The following GAS2 variants were observed in gnomAD, a reference collection of about 807,000 sequenced individuals.
The protein encoded by GAS2 is growth arrest-specific protein 2.
A neutral mutation model predicts 37.5 loss-of-function variants in GAS2; 20 were observed. The observed-to-expected ratio is 0.53, with a 90% CI of 0.37 to 0.77. The LOEUF is 0.77. Among genes scored for constraint, GAS2 ranks in the 30% least tolerant of loss-of-function variants. The pLI, the probability that GAS2 is intolerant of heterozygous loss-of-function variation, is 0.00. For missense variants in GAS2, 336 were observed against 373.4 expected (o/e 0.90, Z 0.82); for synonymous variants, 144 against 132.2 (o/e 1.09, Z -0.61).
At chr11:22,793,282 AT>A (rs1856262208) in intron 7 of GAS2, among the ~76,000 whole-genome samples, 1 of 152,182 alleles carries the variant, frequency 6.6e-6, no homozygotes, top group Admixed American at 6.5e-5. Context: ...CTCAAAAAAA[AT>A]AAATAAATTA....
chr11:22,754,625 C>A (rs1445999289), intron 6 of GAS2, among the ~76,000 whole-genome samples: 1 of 149,414 alleles, frequency 6.7e-6, no homozygotes, highest in East Asian at 2.0e-4. Flanking sequence ...TTTGGTTATT[C>A]TTCTATTGTC....
intron 1 of GAS2, among the ~76,000 whole-genome samples, chr11:22,653,072 T>C (rs976296561): frequency 5.0e-5 from 6 of 119,426 alleles, no homozygotes; most frequent in African/African-American, 1.5e-4. Flanking sequence ...CTTTTTTGCT[T>C]TCTCTCTCTC....
chr11:22,638,015 A>G (rs1172142046), intron 1 of GAS2, among the ~76,000 whole-genome samples: 1 of 151,958 alleles, frequency 6.6e-6, no homozygotes, highest in Non-Finnish European at 1.5e-5. Flanking sequence ...ATCTAAATGC[A>G]CCCAACTAAT....
chr11:22,654,524 A>T (rs7102520), intron 1 of GAS2, among the ~76,000 whole-genome samples: 1 of 151,686 alleles, frequency 6.6e-6, no homozygotes, highest in African/African-American at 2.4e-5. Context: ...GCCTCCTGAG[A>T]GTTTGGGACT....
chr11:22,792,130 A>G (rs1292859032), intron 7 of GAS2, among the ~76,000 whole-genome samples: 1 of 152,234 alleles, frequency 6.6e-6, no homozygotes, highest in African/African-American at 2.4e-5. Context: ...AGGGATCCAC[A>G]TAGCTGAAGA....
chr11:22,707,384 G>A (rs530692203), intron 3 of GAS2, among the ~76,000 whole-genome samples: 1 of 152,182 alleles, frequency 6.6e-6, no homozygotes, highest in African/African-American at 2.4e-5. Context: ...GTGCTTTAGA[G>A]ATAACCTTGA....
intron 1 of GAS2, among the ~76,000 whole-genome samples, chr11:22,651,414 G>A (rs926393648): frequency 4.6e-5 from 7 of 151,972 alleles, no homozygotes; most frequent in South Asian, 2.1e-4. Context: ...TGCTCTTCTC[G>A]AGGAGTATCT....
intron 7 of GAS2, among the ~76,000 whole-genome samples, chr11:22,769,990 C>A (rs969874337): frequency 1.3e-5 from 2 of 152,140 alleles, no homozygotes; most frequent in Non-Finnish European, 2.9e-5. Flanking sequence ...TGGTCATATC[C>A]TTTGCAGGGA....
intron 1 of GAS2, among the ~76,000 whole-genome samples, chr11:22,655,256 C>A (rs979816770): frequency 6.6e-6 from 1 of 152,196 alleles, no homozygotes; most frequent in African/African-American, 2.4e-5. Flanking sequence ...TGTCTTTGCT[C>A]TCCCATGGAA....
intron 1 of GAS2, among the ~76,000 whole-genome samples, chr11:22,643,437 C>G (rs1189363823): frequency 6.9e-6 from 1 of 145,640 alleles, no homozygotes; most frequent in Non-Finnish European, 1.5e-5. Context: ...ACATGTTTGC[C>G]ACTGCTTGGA....
At position 22,812,702 on chromosome 11, in the gene GAS2, T is replaced by G. The variant is rs956251906; in HGVS notation, c.*686T>G. On this transcript the variant is annotated 3_prime_UTR_variant, in exon 8 of 8. Transcript: ENST00000454584. ...CACATTCCTGAGCACATGGCTGTGT[T>G]TAGAATGATCTAGTGTAATTCATAC... The G allele has an allele frequency of 6.6e-6, 1 of 152,606 alleles. No individual in the cohort carries two copies. Among genetic ancestry groups the G allele is most frequent in the African/African-American group, 2.4e-5 (1 of 41,448 alleles). The allele number at this position is 152,606 out of a possible 1,614,324, so 9.5% of individuals were successfully genotyped here.
intron 1 of GAS2, among the ~76,000 whole-genome samples, chr11:22,649,121 C>T (rs1848740048): frequency 6.6e-6 from 1 of 151,804 alleles, no homozygotes; most frequent in Admixed American, 6.6e-5. Flanking sequence ...GAGTTTTTAG[C>T]ATGAAGGGTT....
At chr11:22,783,671 C>A (rs1019480737) in intron 7 of GAS2, among the ~76,000 whole-genome samples, 1 of 152,112 alleles carries the variant, frequency 6.6e-6, no homozygotes, top group Non-Finnish European at 1.5e-5. Context: ...GAGTTAGCAC[C>A]CCTTTGGGAG....
At chr11:22,748,852 A>G (rs1853561302) in intron 5 of GAS2, among the ~76,000 whole-genome samples, 1 of 152,104 alleles carries the variant, frequency 6.6e-6, no homozygotes, top group Non-Finnish European at 1.5e-5. Context: ...TGTTTCATTA[A>G]TATATTGCAT....
intron 3 of GAS2, among the ~76,000 whole-genome samples, chr11:22,708,283 T>A (rs1851224138): frequency 6.6e-6 from 1 of 152,158 alleles, no homozygotes; most frequent in Non-Finnish European, 1.5e-5. Context: ...GAGATTGTGT[T>A]TATGTTTTTT....
rs1381996918 is a variant in GAS2 at position 22,729,822 on chromosome 11, G to T, written c.409+3389G>T. Among the ~76,000 whole-genome samples, 4 of 151,310 alleles carry T rather than the reference G, an allele frequency of 2.6e-5. No individual in the cohort carries two copies. The South Asian group carries it at 6.3e-4, about 24-fold the overall frequency. The stretch of plus-strand genomic sequence containing the variant: ...AAAATTATATAGTTAGTATTGGTAA[G>T]TATATATTGTATCAGAATCTTCCAT... On this transcript the variant is annotated intron_variant, in intron 4 of 7. Coordinates refer to ENST00000454584, the MANE Select transcript of GAS2 (RefSeq NM_001143830.3).
In GAS2 at chr11:22,744,760, G is replaced by A. The variant is rs114179771; in HGVS notation, c.474-4360G>A. 3.3e-3 allele frequency among the ~76,000 whole-genome samples: 503 copies of A among 152,220 alleles called. 2 individuals are homozygous for A. Among genetic ancestry groups the A allele is most frequent in the African/African-American group, 0.011 (467 of 41,552 alleles). ...TTAAGAAGGGGAATGAGACAAGGAT[G>A]CCTACTCTCTTCACTCCTATTCAAC... is the stretch of plus-strand genomic sequence containing the variant. On this transcript the variant is annotated intron_variant, in intron 5 of 7. Coordinates refer to ENST00000454584, the MANE Select transcript of GAS2 (RefSeq NM_001143830.3).
At chr11:22,719,293 C>A (rs1851835252) in intron 3 of GAS2, among the ~76,000 whole-genome samples, 1 of 152,020 alleles carries the variant, frequency 6.6e-6, no homozygotes, top group Non-Finnish European at 1.5e-5. Context: ...GAAACTGTAC[C>A]CTTGACTAAC....
At chr11:22,761,568 A>C (rs907754967) in intron 7 of GAS2, among the ~76,000 whole-genome samples, 1 of 152,202 alleles carries the variant, frequency 6.6e-6, no homozygotes, top group African/African-American at 2.4e-5. Context: ...GTGTGTTCCC[A>C]AGAATAATAG....
Sources: gnomAD v4.1 joint callset for allele counts (sites outside exome capture counted in the v4.1 genomes callset) on GRCh38, gnomAD v4.1.1 for gene constraint, MANE v1.5 for transcripts, NCBI Gene and HGNC (gene_info 2026-07-23, HGNC 2026-07-21) for gene names.